Variants in SIPA1L1 observed in about 807,000 individuals in gnomAD.
The protein encoded by SIPA1L1 is signal-induced proliferation-associated 1-like protein 1.
SIPA1L1 carries 26 observed loss-of-function variants against 162.7 expected under a neutral mutation model. The observed-to-expected ratio is 0.16, with a 90% CI of 0.12 to 0.22. The LOEUF (loss-of-function observed/expected upper bound fraction) is 0.22, where lower values mean the gene tolerates loss of function less well. Among genes scored for constraint, SIPA1L1 ranks in the 10% least tolerant of loss-of-function variants. The pLI, the probability that SIPA1L1 is intolerant of heterozygous loss-of-function variation, is 1.00. For synonymous variants in SIPA1L1, 829 were observed against 837.4 expected (o/e 0.99, Z 0.17); for missense variants, 1,874 against 2,241.0 (o/e 0.84, Z 3.31).
At chr14:71,451,978 G>C (rs1474070100) in intron 2 of SIPA1L1, among the ~76,000 whole-genome samples, 2 of 152,058 alleles carry the variant, frequency 1.3e-5, no homozygotes, top group Non-Finnish European at 2.9e-5. Flanking sequence ...TTCCAAATAT[G>C]TATATTTTTG....
At chr14:71,340,912 C>T (rs1244595740) in intron 2 of SIPA1L1, among the ~76,000 whole-genome samples, 2 of 152,152 alleles carry the variant, frequency 1.3e-5, no homozygotes, top group East Asian at 3.9e-4. Flanking sequence ...GCACTCCAGC[C>T]TGGACAACAG....
chr14:71,671,260 G>A lies in SIPA1L1; in HGVS notation c.2397G>A (p.Glu799=). 6.2e-7 allele frequency: 1 copy of A among 1,614,162 alleles called. No individual in the cohort carries two copies. The highest frequency in any genetic ancestry group is 8.5e-7 in the Non-Finnish European group (1 of 1,180,036). The part of the protein sequence containing the change: ...INAENAAHKS[E]KFRAMATRTR... ...CAGAAAATGCTGCTCATAAATCGGA[G>A]AAGTTTCGGGCCATGGCAACTCGGA... The change falls in exon 11 of 24, where the codon GAG becomes GAA. Residue 799 remains glutamate, a synonymous_variant. Coordinates refer to ENST00000381232, the MANE Select transcript of SIPA1L1 (RefSeq NM_001386936.1).
intron 2 of SIPA1L1, among the ~76,000 whole-genome samples, chr14:71,324,802 AC>A (rs2033592766): frequency 6.6e-6 from 1 of 152,138 alleles, no homozygotes; most frequent in Non-Finnish European, 1.5e-5. Flanking sequence ...TTGTTTCTGG[AC>A]CATGGCCAAC....
At chr14:71,445,559 C>T (rs554915699) in intron 2 of SIPA1L1, among the ~76,000 whole-genome samples, 2 of 151,950 alleles carry the variant, frequency 1.3e-5, no homozygotes, top group Admixed American at 6.6e-5. Context: ...TCTCTCAAAT[C>T]GGTTGTACTG....
chr14:71,624,806 C>T lies in SIPA1L1; in HGVS notation c.1818+570C>T, dbSNP rs8009752. Among the ~76,000 whole-genome samples, 365 of 152,224 alleles carry T rather than the reference C, an allele frequency of 2.4e-3. 3 individuals carry two copies. Among genetic ancestry groups the T allele is most frequent in the African/African-American group, 8.1e-3 (335 of 41,538 alleles). On this transcript the variant is annotated intron_variant, in intron 7 of 23. Coordinates refer to ENST00000381232, the MANE Select transcript of SIPA1L1 (RefSeq NM_001386936.1). ...TGCCTCAAAGTCTGTGCCACTTCACCGCGCTGTTCTTAAAAGCTTAGAGTT... is the reference window on the plus strand; with the variant it reads ...TGCCTCAAAGTCTGTGCCACTTCACTGCGCTGTTCTTAAAAGCTTAGAGTT...
At chr14:71,467,403 T>C (rs144498290) in intron 2 of SIPA1L1, among the ~76,000 whole-genome samples, 189 of 152,344 alleles carry the variant, frequency 1.2e-3, no homozygotes, top group Non-Finnish European at 1.2e-3. Context: ...TACATTCTTA[T>C]TGTGTAATCA....
chr14:71,524,187 A>C (rs544317768), intron 3 of SIPA1L1, among the ~76,000 whole-genome samples: 1 of 152,302 alleles, frequency 6.6e-6, no homozygotes, highest in East Asian at 1.9e-4. Flanking sequence ...CGCTGATTCA[A>C]ATCTAACACC....
chr14:71,523,360 G>A (rs542160966), intron 3 of SIPA1L1, among the ~76,000 whole-genome samples: 12 of 144,480 alleles, frequency 8.3e-5, no homozygotes, highest in East Asian at 4.0e-4. Context: ...TCTTTTTTTC[G>A]CTTTTTATTT....
intron 2 of SIPA1L1, among the ~76,000 whole-genome samples, chr14:71,323,428 A>T (rs751004817): frequency 1.3e-5 from 2 of 152,214 alleles, no homozygotes; most frequent in Non-Finnish European, 2.9e-5. Context: ...TAATGTGACT[A>T]TGTGCCTCTT....
chr14:71,588,203 T>C lies in SIPA1L1; in HGVS notation c.331T>C (p.Ser111Pro). Reference protein sequence around the residue: ...ETSSCLDSLSSKSSPVSQGSS... With the variant: ...ETSSCLDSLSPKSSPVSQGSS... Reference sequence around the variant, plus strand: ...CTCAAGTTGCCTTGATAGCCTGTCCTCCAAAAGCAGTCCTGTGAGTCAGGG... The same window carrying C: ...CTCAAGTTGCCTTGATAGCCTGTCCCCCAAAAGCAGTCCTGTGAGTCAGGG... The change falls in exon 5 of 24, where the codon TCC becomes CCC. Residue 111 changes from serine to proline, a missense_variant. By Grantham distance (74) the Ser-to-Pro change is moderately conservative. Coordinates refer to ENST00000381232, the MANE Select transcript of SIPA1L1 (RefSeq NM_001386936.1). The surrounding 1 kb of genome is among the most constrained non-coding windows in gnomAD (Gnocchi z 4.3). The C allele has an allele frequency of 1.2e-6, 2 of 1,614,120 alleles. No individual in the cohort carries two copies. Among genetic ancestry groups the C allele is most frequent in the South Asian group, 2.2e-5 (2 of 91,084 alleles).
chr14:71,516,120 G>A (rs935441378), intron 3 of SIPA1L1, among the ~76,000 whole-genome samples: 1 of 152,166 alleles, frequency 6.6e-6, no homozygotes, highest in Non-Finnish European at 1.5e-5. Context: ...ACTTGGATCA[G>A]GTCAGCTTGG....
intron 5 of SIPA1L1, among the ~76,000 whole-genome samples, chr14:71,592,010 G>A (rs772134959): frequency 1.3e-5 from 2 of 152,106 alleles, no homozygotes; most frequent in South Asian, 4.1e-4. Flanking sequence ...AAGTCAATTG[G>A]TATAAACAGC....
intron 4 of SIPA1L1, among the ~76,000 whole-genome samples, chr14:71,571,064 G>T (rs1033777164): frequency 2.0e-5 from 3 of 152,148 alleles, no homozygotes; most frequent in Non-Finnish European, 4.4e-5. Flanking sequence ...CAAAGTGCTG[G>T]GATTATAGGC....
intron 4 of SIPA1L1, among the ~76,000 whole-genome samples, chr14:71,554,710 C>T (rs754637013): frequency 6.6e-6 from 1 of 152,130 alleles, no homozygotes; most frequent in Non-Finnish European, 1.5e-5. Context: ...TCTTGTTCCC[C>T]TGATCTGCTA....
intron 2 of SIPA1L1, among the ~76,000 whole-genome samples, chr14:71,413,281 A>G (rs2042536259): frequency 6.6e-6 from 1 of 152,178 alleles, no homozygotes; most frequent in African/African-American, 2.4e-5. Context: ...TGATGGACCA[A>G]CTCATCAAAA....
chr14:71,345,299 T>C (rs953868676), intron 2 of SIPA1L1, among the ~76,000 whole-genome samples: 20 of 152,168 alleles, frequency 1.3e-4, no homozygotes, highest in African/African-American at 4.6e-4. Flanking sequence ...TGCTCTTTCA[T>C]GCACTTATTC....
chr14:71,328,250 TCAGC>T (rs1411829603), intron 2 of SIPA1L1, among the ~76,000 whole-genome samples: 1 of 152,212 alleles, frequency 6.6e-6, no homozygotes, highest in Admixed American at 6.5e-5. Flanking sequence ...TTCAGGAACC[TCAGC>T]CTAATCTGGG....
chr14:71,654,563 T>G (rs2042899043), intron 8 of SIPA1L1, among the ~76,000 whole-genome samples: 1 of 152,196 alleles, frequency 6.6e-6, no homozygotes, highest in South Asian at 2.1e-4. Context: ...GTTTGTTTTC[T>G]CCTCCATTTT....
chr14:71,395,198 A>G (rs952978723), intron 2 of SIPA1L1, among the ~76,000 whole-genome samples: 8 of 152,212 alleles, frequency 5.3e-5, no homozygotes, highest in African/African-American at 1.9e-4. Context: ...AAATATGCGT[A>G]ATTTTGGCAA....
Sources: allele counts gnomAD v4.1 joint callset (sites outside exome capture counted in the v4.1 genomes callset), GRCh38; gene constraint gnomAD v4.1.1; non-coding constraint Gnocchi (gnomAD v3.1); transcripts MANE v1.5; gene names NCBI Gene and HGNC (gene_info 2026-07-23, HGNC 2026-07-21).